KIF6: variants seen among roughly 807,000 people sequenced by gnomAD.
KIF6 encodes kinesin-like protein KIF6.
Under a neutral mutation model 112.7 loss-of-function variants are expected in KIF6, and 106 were observed. That is an observed-to-expected ratio of 0.94 (90% CI 0.80 to 1.11). KIF6 has a LOEUF of 1.11. Among genes scored for constraint, KIF6 ranks in the 50% least tolerant of loss-of-function variants. KIF6 has a pLI of 0.00. For missense variants in KIF6, 929 were observed against 964.0 expected (o/e 0.96, Z 0.48); for synonymous variants, 339 against 339.9 (o/e 1.00, Z 0.03).
At chr6:39,355,798 T>C (rs569407940) in intron 19 of KIF6, among the ~76,000 whole-genome samples, 16 of 146,752 alleles carry the variant, frequency 1.1e-4, no homozygotes, top group African/African-American at 4.1e-4. Flanking sequence ...TTTTTTTTTT[T>C]AAAGAATAGT....
intron 12 of KIF6, among the ~76,000 whole-genome samples, chr6:39,540,917 C>T (rs1334492186): frequency 6.6e-6 from 1 of 152,170 alleles, no homozygotes; most frequent in Admixed American, 6.5e-5. Context: ...AGGATAAAAC[C>T]ACTCCCCTCT....
intron 3 of KIF6, among the ~76,000 whole-genome samples, chr6:39,712,665 C>T (rs1400360386): frequency 1.3e-5 from 2 of 152,074 alleles, no homozygotes; most frequent in Non-Finnish European, 2.9e-5. Context: ...GAGTTCAAGA[C>T]CAGCCTGGCC....
intron 3 of KIF6, among the ~76,000 whole-genome samples, chr6:39,669,706 T>C (rs144559227): frequency 3.3e-5 from 5 of 152,332 alleles, no homozygotes; most frequent in African/African-American, 1.2e-4. Flanking sequence ...AGAATAGACA[T>C]ATTTAGACCT....
chr6:39,535,300 G>T (rs1217182238), intron 13 of KIF6, among the ~76,000 whole-genome samples: 5 of 152,162 alleles, frequency 3.3e-5, no homozygotes, highest in African/African-American at 7.2e-5. Flanking sequence ...CCATCAGTGT[G>T]CTGTATTCAG....
chr6:39,352,988 T>C (rs1440189642), intron 19 of KIF6, among the ~76,000 whole-genome samples: 2 of 152,222 alleles, frequency 1.3e-5, no homozygotes, highest in Non-Finnish European at 2.9e-5. Flanking sequence ...TGGGCAATTA[T>C]AAATAATTAT....
At chr6:39,367,598 G>A (rs936219064) in intron 16 of KIF6, among the ~76,000 whole-genome samples, 1 of 152,060 alleles carries the variant, frequency 6.6e-6, no homozygotes, top group Non-Finnish European at 1.5e-5. Flanking sequence ...ACGCACAGAC[G>A]CACAGTCCCA....
At chr6:39,662,700 C>G (rs1356197559) in intron 3 of KIF6, among the ~76,000 whole-genome samples, 2 of 151,846 alleles carry the variant, frequency 1.3e-5, no homozygotes, top group Admixed American at 1.3e-4. Context: ...ATACTGAGCC[C>G]CTATCTCAAA....
At chr6:39,631,372 G>A (rs1386677909) in intron 5 of KIF6, among the ~76,000 whole-genome samples, 1 of 152,036 alleles carries the variant, frequency 6.6e-6, no homozygotes, top group Non-Finnish European at 1.5e-5. Context: ...CTGATCTTAG[G>A]AGGAAAACAT....
In KIF6 at chr6:39,334,104, T is replaced by G. The variant is rs1762830113; in HGVS notation, c.*2428A>C. On this transcript the variant is annotated 3_prime_UTR_variant, in exon 23 of 23. Coordinates refer to ENST00000287152, the MANE Select transcript of KIF6 (RefSeq NM_145027.6). ...CCTTGGCCAGTTGCTGCACACACTT[T>G]GCATATGCTCTGGACACCAGTGGCC... The G allele has an allele frequency of 6.6e-6, 1 of 152,420 alleles. No individual in the cohort carries two copies. The highest frequency in any genetic ancestry group is 6.5e-5 in the Admixed American group (1 of 15,312). The allele number at this position is 152,420 out of a possible 1,614,324, so 9.4% of individuals were successfully genotyped here. A position where few individuals can be genotyped will look rare whatever the true frequency, so the allele number is the denominator to read the frequency against.
chr6:39,650,598 C>T (rs1785419103), intron 3 of KIF6, among the ~76,000 whole-genome samples: 1 of 151,144 alleles, frequency 6.6e-6, no homozygotes. Context: ...CATTTCTGAC[C>T]AATATTTTTC....
At chr6:39,578,329 ATTTTTTTT>A (rs35778593) in intron 9 of KIF6, among the ~76,000 whole-genome samples, 170 bp from the exon 10 acceptor site, 1 of 125,198 alleles carries the variant, frequency 8.0e-6, no homozygotes, top group Non-Finnish European at 1.6e-5. Context: ...ATAGTTCTAG[ATTTTTTTT>A]TTTTTTTTTT....
chr6:39,584,157 C>T (rs1781466001), intron 9 of KIF6, among the ~76,000 whole-genome samples: 1 of 151,726 alleles, frequency 6.6e-6, no homozygotes, highest in South Asian at 2.1e-4. Context: ...CGCGGTGGCT[C>T]ACACCTATAA....
At chr6:39,606,485 A>G (rs767359780) in intron 6 of KIF6, among the ~76,000 whole-genome samples, 2 of 152,164 alleles carry the variant, frequency 1.3e-5, no homozygotes, top group African/African-American at 4.8e-5. Context: ...GAACATGACT[A>G]TCCCTTTCCT....
intron 13 of KIF6, among the ~76,000 whole-genome samples, chr6:39,454,041 A>G (rs1312458932): frequency 2.6e-5 from 4 of 152,250 alleles, no homozygotes; most frequent in Non-Finnish European, 5.9e-5. Flanking sequence ...GAAGTGTTAA[A>G]TACAGTAGAT....
chr6:39,714,230 T>C (rs1368022906), intron 3 of KIF6, among the ~76,000 whole-genome samples: 2 of 152,150 alleles, frequency 1.3e-5, no homozygotes, highest in Non-Finnish European at 2.9e-5. Flanking sequence ...AGCTTTGAAA[T>C]GACACTGAGG....
At position 39,400,564 on chromosome 6, in the gene KIF6, C is replaced by A. The variant is rs192907106; in HGVS notation, c.1811-14892G>T. On this transcript the variant is annotated intron_variant, in intron 15 of 22. Coordinates refer to ENST00000287152, the MANE Select transcript of KIF6 (RefSeq NM_145027.6). Reference sequence around the variant, plus strand: ...GTGGCCAAGGAATTAATAAAGGAATCTAAAGATTTTTCTCTATCCCCAAAG... The same window carrying A: ...GTGGCCAAGGAATTAATAAAGGAATATAAAGATTTTTCTCTATCCCCAAAG... Among the ~76,000 whole-genome samples, 4 of 152,304 alleles carry A rather than the reference C, an allele frequency of 2.6e-5. No homozygotes were observed. The East Asian group carries it at 7.7e-4, about 29-fold the overall frequency.
chr6:39,506,265 T>C (rs1468445666), intron 13 of KIF6, among the ~76,000 whole-genome samples: 1 of 152,006 alleles, frequency 6.6e-6, no homozygotes, highest in Non-Finnish European at 1.5e-5. Flanking sequence ...GAAAATCAAA[T>C]ACCTCATGTT....
At chr6:39,672,210 G>A (rs1168508972) in intron 3 of KIF6, among the ~76,000 whole-genome samples, 1 of 152,166 alleles carries the variant, frequency 6.6e-6, no homozygotes, top group Non-Finnish European at 1.5e-5. Context: ...TCAAATTCCT[G>A]TGCTCAAGTG....
chr6:39,618,449 T>C (rs1023828856), intron 5 of KIF6, among the ~76,000 whole-genome samples: 1 of 152,096 alleles, frequency 6.6e-6, no homozygotes, highest in African/African-American at 2.4e-5. Flanking sequence ...CCAGCCATGA[T>C]AGGAAAGAAG....
Sources: gnomAD v4.1 joint callset for allele counts (sites outside exome capture counted in the v4.1 genomes callset) on GRCh38, gnomAD v4.1.1 for gene constraint, MANE v1.5 for transcripts, NCBI Gene and HGNC (gene_info 2026-07-23, HGNC 2026-07-21) for gene names.